CTNNA2: variants seen among roughly 807,000 people sequenced by gnomAD.
CTNNA2 encodes catenin alpha-2.
CTNNA2 carries 42 observed loss-of-function variants against 101.0 expected under a neutral mutation model. The ratio of observed to expected loss-of-function variants is 0.42; its 90% CI spans 0.32 to 0.54. CTNNA2 has a LOEUF of 0.54. Ranked by LOEUF, CTNNA2 falls within the 20% of genes least tolerant of loss-of-function variation. The probability of loss-of-function intolerance (pLI) is 0.14; values close to 1 mark genes in which losing one functional copy is unlikely to be tolerated. For missense variants in CTNNA2, 871 were observed against 1,223.1 expected (o/e 0.71, Z 4.29); for synonymous variants, 450 against 456.4 (o/e 0.99, Z 0.18).
intron 1 of CTNNA2, chr2:79,547,268 A>G (rs1673796568): frequency 6.6e-6 from 1 of 152,190 alleles, no homozygotes; most frequent in South Asian, 2.1e-4. Flanking sequence ...TACCTAATAA[A>G]TTTAGATATA....
chr2:79,775,661 G>A (rs1673908095), intron 3 of CTNNA2, among the ~76,000 whole-genome samples: 1 of 152,152 alleles, frequency 6.6e-6, no homozygotes, highest in Non-Finnish European at 1.5e-5. Flanking sequence ...CTCTGTGGTA[G>A]AGGGCATGTG....
At chr2:80,176,366 T>C (rs1386022408) in intron 7 of CTNNA2, among the ~76,000 whole-genome samples, 1 of 152,106 alleles carries the variant, frequency 6.6e-6, no homozygotes, top group Non-Finnish European at 1.5e-5. Context: ...AGAAATAAAA[T>C]GAAGATATTT....
chr2:79,533,471 A>T (rs1672866438), intron 1 of CTNNA2, among the ~76,000 whole-genome samples: 1 of 152,160 alleles, frequency 6.6e-6, no homozygotes, highest in African/African-American at 2.4e-5. Flanking sequence ...AGTATCTAAA[A>T]GTATATTAAG....
Position 79,373,429 on chromosome 2 carries a change from C to A in CTNNA2, c.-317-402C>A, listed in dbSNP as rs190183444. Among the ~76,000 whole-genome samples, 303 of 152,270 alleles carry A rather than the reference C, an allele frequency of 2.0e-3. 3 individuals carry two copies. The highest frequency in any genetic ancestry group is 3.9e-3 in the Admixed American group (59 of 15,298). ...ATACTATTAAACGTAGTGATTCATA[C>A]CTGCAGAAGAAAAATATGCCCTTTT... On this transcript the variant is annotated intron_variant, in intron 3 of 21. Transcript: ENST00000466387.
intron 2 of CTNNA2, among the ~76,000 whole-genome samples, chr2:79,308,123 C>G (rs1453213183): frequency 6.6e-6 from 1 of 152,190 alleles, no homozygotes; most frequent in Non-Finnish European, 1.5e-5. Context: ...CGGCTCACTG[C>G]AAGCTCAGCT....
At chr2:80,175,144 T>A (rs1449611879) in intron 7 of CTNNA2, among the ~76,000 whole-genome samples, 1 of 152,136 alleles carries the variant, frequency 6.6e-6, no homozygotes, top group Non-Finnish European at 1.5e-5. Flanking sequence ...TTCAACCCAC[T>A]CTTTCGGGAT....
At chr2:80,061,407 C>T (rs1005336177) in intron 7 of CTNNA2, among the ~76,000 whole-genome samples, 11 of 152,020 alleles carry the variant, frequency 7.2e-5, no homozygotes, top group South Asian at 4.1e-4. Flanking sequence ...ATTTTGTTTC[C>T]GTTTTCTGTT....
intron 7 of CTNNA2, among the ~76,000 whole-genome samples, chr2:80,082,517 T>C (rs916118417): frequency 6.6e-6 from 1 of 152,178 alleles, no homozygotes; most frequent in African/African-American, 2.4e-5. Flanking sequence ...TGCTTTTTAC[T>C]TACAGGTTCT....
Position 80,121,219 on chromosome 2 carries a change from G to T in CTNNA2, c.1056+211422G>T, listed in dbSNP as rs1040055264. Among the ~76,000 whole-genome samples, 23 of 152,274 alleles carry T rather than the reference G, an allele frequency of 1.5e-4. No individual in the cohort carries two copies. The East Asian group carries it at 4.1e-3, about 27-fold the overall frequency. ...ACAGATTAGATTATAATTTAGATTAGATTTTAGATTTTTACAACGTAGATA... is the reference window on the plus strand; with the variant it reads ...ACAGATTAGATTATAATTTAGATTATATTTTAGATTTTTACAACGTAGATA... On this transcript the variant is annotated intron_variant, in intron 7 of 18. Transcript: ENST00000402739.
At chr2:80,057,759 C>T (rs17339877) in intron 7 of CTNNA2, among the ~76,000 whole-genome samples, 1 of 152,080 alleles carries the variant, frequency 6.6e-6, no homozygotes, top group Non-Finnish European at 1.5e-5. Context: ...GACTTGAACT[C>T]CTGAGAAAGC....
intron 7 of CTNNA2, among the ~76,000 whole-genome samples, chr2:79,928,173 C>A (rs945686952): frequency 1.3e-5 from 2 of 152,052 alleles, no homozygotes; most frequent in Admixed American, 6.6e-5. Context: ...AGGATACACC[C>A]CTTAAGAAGC....
chr2:80,225,959 A>T (rs575167662), intron 7 of CTNNA2, among the ~76,000 whole-genome samples: 2 of 152,336 alleles, frequency 1.3e-5, no homozygotes, highest in African/African-American at 2.4e-5. Flanking sequence ...CTTGATCTCA[A>T]TTCAGAAAGA....
chr2:79,234,697 C>T (rs544219889), intron 2 of CTNNA2, among the ~76,000 whole-genome samples: 2 of 152,118 alleles, frequency 1.3e-5, no homozygotes, highest in African/African-American at 2.4e-5. Context: ...TTTACATAAT[C>T]CTATATTTAT....
chr2:79,964,019 A>G (rs1689845610), intron 7 of CTNNA2, among the ~76,000 whole-genome samples: 1 of 152,130 alleles, frequency 6.6e-6, no homozygotes, highest in Admixed American at 6.5e-5. Flanking sequence ...ATTTAACATC[A>G]AACCTGTGAA....
intron 9 of CTNNA2, among the ~76,000 whole-genome samples, chr2:80,438,676 T>C (rs951669105): frequency 1.3e-5 from 2 of 152,082 alleles, no homozygotes; most frequent in African/African-American, 4.8e-5. Context: ...AGGGAGTTCC[T>C]TGAACTCTAG....
intron 4 of CTNNA2, among the ~76,000 whole-genome samples, chr2:79,392,612 T>G (rs1678187115): frequency 6.6e-6 from 1 of 152,186 alleles, no homozygotes. Flanking sequence ...GTTTTTATCT[T>G]TATTTTCCAC....
intron 11 of CTNNA2, among the ~76,000 whole-genome samples, chr2:80,550,348 GGTGGTTCCTGT>G (rs1470528129): frequency 1.3e-5 from 2 of 152,302 alleles, no homozygotes; most frequent in East Asian, 3.9e-4. Context: ...TGATCAGAGT[GGTGGTTCCTGT>G]GTGGTTCCTG....
chr2:79,455,073 A>G (rs1202269837), intron 4 of CTNNA2, among the ~76,000 whole-genome samples: 1 of 152,192 alleles, frequency 6.6e-6, no homozygotes, highest in African/African-American at 2.4e-5. Context: ...TGAAAGCTAG[A>G]ACAGTAAAAA....
intron 4 of CTNNA2, among the ~76,000 whole-genome samples, chr2:79,470,204 A>G (rs1670982886): frequency 6.6e-6 from 1 of 152,190 alleles, no homozygotes; most frequent in African/African-American, 2.4e-5. Context: ...AAGCAGCAGT[A>G]ATTTATGATA....
Sources: gnomAD v4.1 joint callset for allele counts (sites outside exome capture counted in the v4.1 genomes callset) on GRCh38, gnomAD v4.1.1 for gene constraint, MANE v1.5 for transcripts, NCBI Gene and HGNC (gene_info 2026-07-23, HGNC 2026-07-21) for gene names.